PCDH9: variants seen among roughly 807,000 people sequenced by gnomAD.
PCDH9 encodes protocadherin-9.
A neutral mutation model predicts 70.6 loss-of-function variants in PCDH9; 24 were observed. The observed-to-expected ratio is 0.34, with a 90% CI of 0.25 to 0.48. The LOEUF (loss-of-function observed/expected upper bound fraction) is 0.48, where lower values mean the gene tolerates loss of function less well. Ranked by LOEUF, PCDH9 falls within the 20% of genes least tolerant of loss-of-function variation. The pLI, the probability that PCDH9 is intolerant of heterozygous loss-of-function variation, is 0.99. For missense variants in PCDH9, 1,281 were observed against 1,503.6 expected (o/e 0.85, Z 2.45); for synonymous variants, 562 against 558.5 (o/e 1.01, Z -0.09).
chr13:66,550,503 C>T (rs953877447), intron 4 of PCDH9, among the ~76,000 whole-genome samples: 1 of 152,040 alleles, frequency 6.6e-6, no homozygotes, highest in Non-Finnish European at 1.5e-5. Context: ...AAACACTTTG[C>T]ATGGGATGTG....
chr13:66,695,794 G>A (rs756875453), intron 3 of PCDH9, among the ~76,000 whole-genome samples: 2 of 152,080 alleles, frequency 1.3e-5, no homozygotes, highest in Admixed American at 6.5e-5. Context: ...TTGAATGTGA[G>A]ATTAAATGTA....
At chr13:66,963,369 A>G (rs2083380297) in intron 2 of PCDH9, among the ~76,000 whole-genome samples, 2 of 152,216 alleles carry the variant, frequency 1.3e-5, no homozygotes, top group African/African-American at 4.8e-5. Flanking sequence ...GGCGCAAAAC[A>G]TTGCATAAAT....
At chr13:66,703,852 G>A (rs754080244) in intron 3 of PCDH9, among the ~76,000 whole-genome samples, 2 of 152,070 alleles carry the variant, frequency 1.3e-5, no homozygotes, top group Non-Finnish European at 2.9e-5. Flanking sequence ...AGTGAGCCAT[G>A]ACTGAGCCAC....
chr13:66,795,248 T>C (rs2080223766), intron 3 of PCDH9, among the ~76,000 whole-genome samples: 1 of 152,148 alleles, frequency 6.6e-6, no homozygotes, highest in Non-Finnish European at 1.5e-5. Context: ...ATCCAAAAAT[T>C]CAAAATCCAA....
intron 3 of PCDH9, among the ~76,000 whole-genome samples, chr13:66,870,791 G>T (rs2139507162): frequency 6.6e-6 from 1 of 152,236 alleles, no homozygotes; most frequent in South Asian, 2.1e-4. Flanking sequence ...CTGGTGGTGG[G>T]ACTGTAAACT....
chr13:67,030,567 TC>T (rs2084885087), intron 2 of PCDH9, among the ~76,000 whole-genome samples: 2 of 151,992 alleles, frequency 1.3e-5, no homozygotes, highest in Admixed American at 1.3e-4. Flanking sequence ...GATCAAATGT[TC>T]TAGGTAATGG....
At chr13:67,071,536 A>T (rs1331730570) in intron 2 of PCDH9, among the ~76,000 whole-genome samples, 1 of 152,136 alleles carries the variant, frequency 6.6e-6, no homozygotes, top group African/African-American at 2.4e-5. Flanking sequence ...TTTCTATGTA[A>T]ATAGAACACA....
At chr13:67,046,079 C>T (rs138554481) in intron 2 of PCDH9, among the ~76,000 whole-genome samples, 1 of 152,216 alleles carries the variant, frequency 6.6e-6, no homozygotes, top group East Asian at 1.9e-4. Context: ...TGTAATTCCA[C>T]AATTGGCCAG....
chr13:66,623,605 AT>A (rs2077460148), intron 4 of PCDH9, among the ~76,000 whole-genome samples: 1 of 152,150 alleles, frequency 6.6e-6, no homozygotes, highest in African/African-American at 2.4e-5. Flanking sequence ...CACTTGGCTA[AT>A]TTTTAATTTT....
At chr13:66,456,271 A>G (rs1345272284) in intron 4 of PCDH9, among the ~76,000 whole-genome samples, 5 of 152,228 alleles carry the variant, frequency 3.3e-5, no homozygotes, top group East Asian at 1.9e-4. Flanking sequence ...TTTTCTTTTT[A>G]GAGGCTGGGT....
chr13:66,366,230 C>G (rs1382636312), intron 4 of PCDH9, among the ~76,000 whole-genome samples: 1 of 151,918 alleles, frequency 6.6e-6, no homozygotes, highest in Admixed American at 6.6e-5. Context: ...TTTCTCACCC[C>G]AAATGCTATT....
At chr13:66,464,009 C>T (rs946026906) in intron 4 of PCDH9, among the ~76,000 whole-genome samples, 17 of 151,342 alleles carry the variant, frequency 1.1e-4, no homozygotes, top group Admixed American at 8.6e-4. Flanking sequence ...TTAACTGATG[C>T]TAGAATTACA....
chr13:66,774,727 T>G (rs566320185), intron 3 of PCDH9, among the ~76,000 whole-genome samples: 203 of 152,308 alleles, frequency 1.3e-3, no homozygotes, highest in African/African-American at 4.7e-3. Context: ...AGCATTAAAG[T>G]GGCCTCCATT....
chr13:66,989,216 A>G (rs149176855), intron 2 of PCDH9, among the ~76,000 whole-genome samples: 1 of 152,084 alleles, frequency 6.6e-6, no homozygotes, highest in East Asian at 1.9e-4. Flanking sequence ...AATGTGGAGT[A>G]GCTGGGATGT....
chr13:67,133,839 G>GT (rs2087166841), intron 2 of PCDH9, among the ~76,000 whole-genome samples: 1 of 152,094 alleles, frequency 6.6e-6, no homozygotes, highest in Admixed American at 6.6e-5. Context: ...ATGAGCGGCT[G>GT]TTTCATGCAC....
chr13:66,694,396 A>G (rs149025638), intron 3 of PCDH9, among the ~76,000 whole-genome samples: 1 of 152,308 alleles, frequency 6.6e-6, no homozygotes, highest in East Asian at 1.9e-4. Flanking sequence ...TCACACAACT[A>G]AAGTTGCATT....
intron 2 of PCDH9, among the ~76,000 whole-genome samples, chr13:67,061,129 G>T (rs2085531437): frequency 3.3e-5 from 5 of 152,002 alleles, no homozygotes; most frequent in Admixed American, 2.6e-4. Flanking sequence ...TTTAGCAGCA[G>T]TAAAAACAAA....
At chr13:67,093,649 G>A (rs767528009) in intron 2 of PCDH9, among the ~76,000 whole-genome samples, 2 of 152,078 alleles carry the variant, frequency 1.3e-5, no homozygotes, top group Admixed American at 6.6e-5. Flanking sequence ...TTTAAATACA[G>A]TAGATTTGAA....
Position 67,225,526 on chromosome 13 carries a change from G to T in PCDH9, c.2915C>A (p.Thr972Asn), listed in dbSNP as rs1566509298. Reference protein sequence around the residue: ...HVIQELPLDNTFVGGCDTLSK... With the variant: ...HVIQELPLDNNFVGGCDTLSK... Reference sequence around the variant, plus strand: ...AAGGGTGTCACAACCCCCAACAAAGGTGTTGTCCAAAGGGAGTTCCTGAAT... The same window carrying T: ...AAGGGTGTCACAACCCCCAACAAAGTTGTTGTCCAAAGGGAGTTCCTGAAT... The change falls in exon 2 of 5, where the codon ACC (threonine) becomes AAC (asparagine). Residue 972 changes from threonine (T) to asparagine (N), a missense_variant. Physicochemically the swap from Thr to Asn is moderately conservative, Grantham distance 65. Transcript: ENST00000377865. The T allele has an allele frequency of 3.7e-6, 6 of 1,614,104 alleles. No individual in the cohort carries two copies. Among genetic ancestry groups the T allele is most frequent in the Non-Finnish European group, 4.2e-6 (5 of 1,180,000 alleles).
Sources: allele counts gnomAD v4.1 joint callset (sites outside exome capture counted in the v4.1 genomes callset), GRCh38; gene constraint gnomAD v4.1.1; transcripts MANE v1.5; gene names NCBI Gene and HGNC (gene_info 2026-07-23, HGNC 2026-07-21).